Variants in TIAM2 observed in about 807,000 individuals in gnomAD.
TIAM2 encodes the protein TIAM Rac1 associated GEF 2.
A neutral mutation model predicts 152.9 loss-of-function variants in TIAM2; 80 were observed. The ratio of observed to expected loss-of-function variants is 0.52; its 90% confidence interval spans 0.44 to 0.63. The LOEUF is 0.63. Ranked by LOEUF, TIAM2 falls within the 30% of genes least tolerant of loss-of-function variation. The pLI is 0.00. For missense variants in TIAM2, 1,965 were observed against 2,120.1 expected (o/e 0.93, Z 1.44); for synonymous variants, 804 against 838.0 (o/e 0.96, Z 0.70).
rs1451096590 is a variant in TIAM2, at chr6:155,028,856, CTG to C, written c.-209+33366_-209+33367del. 9.7e-4 allele frequency among the ~76,000 whole-genome samples: 122 copies of C among 126,298 alleles called. 27 individuals are homozygous for C. Among genetic ancestry groups the C allele is most frequent in the African/African-American group, 3.1e-3 (104 of 33,212 alleles). 82.9% of individuals were successfully genotyped at this position (126,298 alleles called of 152,430 possible). A position where few individuals can be genotyped will look rare whatever the true frequency, so the allele number is the denominator to read the frequency against. On this transcript the variant is annotated intron_variant, in intron 1 of 26. Transcript: ENST00000682666. ...ATATATATACTATGTTATATATACA[CTG>C]TATATACTATCTATACTATGTTATA...
At chr6:155,106,471 CTG>C (rs1406146190) in intron 2 of TIAM2, among the ~76,000 whole-genome samples, 4 of 152,142 alleles carry the variant, frequency 2.6e-5, no homozygotes, top group African/African-American at 9.7e-5. Context: ...ATGTACAAGA[CTG>C]TAGTTCAGCC....
chr6:155,224,955 A>G (rs1435739575), intron 15 of TIAM2, among the ~76,000 whole-genome samples: 1 of 152,008 alleles, frequency 6.6e-6, no homozygotes, highest in African/African-American at 2.4e-5. Context: ...TTTTCTATTT[A>G]TTTGTTTGTT....
At chr6:155,128,491 T>A (rs1779351699) in intron 3 of TIAM2, among the ~76,000 whole-genome samples, 2 of 152,142 alleles carry the variant, frequency 1.3e-5, no homozygotes, top group South Asian at 4.2e-4. Flanking sequence ...AATGAAAATG[T>A]ATCTCTCTGA....
intron 4 of TIAM2, among the ~76,000 whole-genome samples, chr6:155,133,160 A>T (rs761683750): frequency 2.2e-4 from 33 of 152,168 alleles, no homozygotes; most frequent in Non-Finnish European, 4.0e-4. Context: ...TTTGAGACCA[A>T]CCTGGCCAAC....
At chr6:155,027,342 A>G (rs1583156912) in intron 1 of TIAM2, among the ~76,000 whole-genome samples, 1 of 142,350 alleles carries the variant, frequency 7.0e-6, no homozygotes, top group East Asian at 2.2e-4. Context: ...TATATAATAT[A>G]TATACTGTGT....
chr6:155,156,727 C>T lies in TIAM2; in HGVS notation c.2029-7688C>T, dbSNP rs918954952. Among the ~76,000 whole-genome samples the T allele has an allele frequency of 2.8e-4, 42 of 151,958 alleles. No individual in the cohort carries two copies. The highest frequency in any genetic ancestry group is 9.7e-4 in the African/African-American group (40 of 41,374). On this transcript the variant is annotated intron_variant, in intron 7 of 26. Coordinates refer to ENST00000682666, the MANE Select transcript of TIAM2 (RefSeq NM_012454.4). This position sits in a 1 kb window ranked among gnomAD's most constrained non-coding sequence, Gnocchi z 4.4. ...GATCCTGTGATTGCCAGATAAAGTCCCTGATAACCTCTCCCCACCTTGACC... is the reference window on the plus strand; with the variant it reads ...GATCCTGTGATTGCCAGATAAAGTCTCTGATAACCTCTCCCCACCTTGACC...
chr6:155,082,308 A>T (rs1464517736), intron 1 of TIAM2, among the ~76,000 whole-genome samples: 1 of 152,074 alleles, frequency 6.6e-6, no homozygotes, highest in African/African-American at 2.4e-5. Context: ...ATGCCACTGC[A>T]CTCCAGCCTG....
At chr6:155,123,681 C>T (rs1188199213) in intron 2 of TIAM2, among the ~76,000 whole-genome samples, 1 of 152,208 alleles carries the variant, frequency 6.6e-6, no homozygotes, top group Non-Finnish European at 1.5e-5. Context: ...GAGTGGCTGA[C>T]ACAGTCGGCC....
intron 1 of TIAM2, among the ~76,000 whole-genome samples, chr6:155,037,627 C>T (rs1419923273): frequency 1.3e-5 from 2 of 152,116 alleles, no homozygotes; most frequent in African/African-American, 2.4e-5. Context: ...CTCCCAGGTT[C>T]AGGCAGTTCT....
rs148826053 is a variant in TIAM2, at chr6:155,075,969, C to T, written c.-208-14320C>T. Among the ~76,000 whole-genome samples the T allele has an allele frequency of 4.0e-3, 612 of 152,264 alleles. 3 individuals are homozygous for T. Among genetic ancestry groups the T allele is most frequent in the Non-Finnish European group, 6.9e-3 (469 of 68,028 alleles). ...GTGTAGCGAAGCAACAGCATAGCAT[C>T]CCCCGAATACCCACATCAGCTGTTA... On this transcript the variant is annotated intron_variant, in intron 1 of 26. Coordinates refer to ENST00000682666, the MANE Select transcript of TIAM2 (RefSeq NM_012454.4).
chr6:155,211,098 C>T, intron 14 of TIAM2, 106 bp from the exon 15 acceptor site: 10 of 908,980 alleles, frequency 1.1e-5, no homozygotes, highest in Admixed American at 2.2e-5. Context: ...GTACTGCCTC[C>T]TAGGTTGTTT....
intron 1 of TIAM2, among the ~76,000 whole-genome samples, chr6:155,015,868 CG>C (rs1300517839): frequency 7.5e-6 from 1 of 134,010 alleles, no homozygotes; most frequent in Non-Finnish European, 1.6e-5. Context: ...ACCCAGGAGG[CG>C]GGGGTTGCAG....
chr6:154,997,222 T>C (rs896789556), intron 1 of TIAM2, among the ~76,000 whole-genome samples: 11 of 152,230 alleles, frequency 7.2e-5, no homozygotes, highest in Non-Finnish European at 1.5e-4. Flanking sequence ...CCACGCATTC[T>C]TAATGTGTCA....
intron 14 of TIAM2, among the ~76,000 whole-genome samples, chr6:155,193,456 G>A (rs1583241666): frequency 1.3e-5 from 2 of 152,166 alleles, no homozygotes; most frequent in African/African-American, 4.8e-5. Context: ...GAAGCTCACG[G>A]TGGCAGATAC....
At chr6:155,103,723 CAAAAAAAA>C (rs759945340) in intron 2 of TIAM2, among the ~76,000 whole-genome samples, 8 of 59,874 alleles carry the variant, frequency 1.3e-4, no homozygotes, top group Admixed American at 2.4e-4. Context: ...GACTCTGTCT[CAAAAAAAA>C]AAAAAAAAAA....
chr6:155,158,669 C>T (rs1325334120), intron 7 of TIAM2, among the ~76,000 whole-genome samples: 1 of 152,018 alleles, frequency 6.6e-6, no homozygotes, highest in Non-Finnish European at 1.5e-5. Flanking sequence ...ATCCTCCCAC[C>T]TCTGCCTCCC....
rs1298989741 is a variant in TIAM2 at position 155,257,291 on chromosome 6, G to T, written c.*170G>T. On this transcript the variant is annotated 3_prime_UTR_variant, in exon 27 of 27. Transcript: ENST00000682666. ...GATTTAAGTTATTTTAATTTATTGT[G>T]GATCAGAAACCTAGATGAAACTGGT... is the stretch of plus-strand genomic sequence containing the variant. The T allele has an allele frequency of 3.9e-6, 3 of 765,838 alleles. No homozygotes were observed. Among genetic ancestry groups the T allele is most frequent in the African/African-American group, 3.5e-5 (2 of 56,452 alleles). 47.4% of individuals were successfully genotyped at this position (765,838 alleles called of 1,614,324 possible). A position where few individuals can be genotyped will look rare whatever the true frequency, so the allele number is the denominator to read the frequency against.
rs762106661 is a variant in TIAM2, at chr6:155,256,659, A to G, written c.4644A>G (p.Lys1548=). The G allele has an allele frequency of 3.1e-6, 5 of 1,614,072 alleles. No homozygotes were observed. In the Admixed American group the frequency reaches 8.3e-5, roughly 27 times the overall value. ...RQDSKSTSPG[K]YPHPGLADFA... is the part of the protein sequence containing the mutation. The stretch of plus-strand genomic sequence containing the variant: ...ACTCCAAGAGCACTTCTCCCGGGAA[A>G]TACCCACACCCCGGCTTGGCAGATT... The change falls in exon 27 of 27, where the codon AAA becomes AAG. Residue 1548 remains lysine (K), a synonymous_variant. Transcript: ENST00000682666.
intron 1 of TIAM2, among the ~76,000 whole-genome samples, chr6:155,066,827 C>G (rs1265352765): frequency 6.6e-6 from 1 of 152,106 alleles, no homozygotes; most frequent in Non-Finnish European, 1.5e-5. Flanking sequence ...GCGATCTTGG[C>G]TCACTGCAAC....
Sources: gnomAD v4.1 joint callset for allele counts (sites outside exome capture counted in the v4.1 genomes callset) on GRCh38, gnomAD v4.1.1 for gene constraint, Gnocchi (gnomAD v3.1) non-coding constraint, MANE v1.5 for transcripts, NCBI Gene and HGNC (gene_info 2026-07-23, HGNC 2026-07-21) for gene names.